Variants in LRRK1 observed in about 807,000 individuals in gnomAD.
The protein encoded by LRRK1 is leucine rich repeat kinase 1, also known as leucine-rich repeat serine/threonine-protein kinase 1.
Under a neutral mutation model 209.1 loss-of-function variants are expected in LRRK1, and 113 were observed. The observed-to-expected ratio is 0.54, with a 90% CI of 0.46 to 0.63. LRRK1 has a LOEUF of 0.63. LRRK1 is among the 30% of genes least tolerant of loss of function. LRRK1 has a pLI of 0.00. For synonymous variants in LRRK1, 1,144 were observed against 1,099.7 expected (o/e 1.04, Z -0.80); for missense variants, 2,284 against 2,632.2 (o/e 0.87, Z 2.89).
chr15:100,964,488 C>T (rs1260028411), intron 2 of LRRK1, among the ~76,000 whole-genome samples: 1 of 152,216 alleles, frequency 6.6e-6, no homozygotes, highest in Non-Finnish European at 1.5e-5. Flanking sequence ...TTCCCTGGTG[C>T]TTTGGCCACA....
intron 6 of LRRK1, 54 bp downstream of exon 6, chr15:100,989,452 CAG>C: frequency 6.5e-7 from 1 of 1,547,270 alleles, no homozygotes; most frequent in Non-Finnish European, 8.9e-7. Context: ...GCTGCTGTAA[CAG>C]AATCCTGCAG....
At chr15:100,923,225 G>T (rs918637204) in intron 1 of LRRK1, among the ~76,000 whole-genome samples, 1 of 152,136 alleles carries the variant, frequency 6.6e-6, no homozygotes, top group African/African-American at 2.4e-5. Context: ...GCAGGCCCGG[G>T]CATAAGGGTG....
At chr15:100,928,355 C>T (rs1251542999) in intron 2 of LRRK1, among the ~76,000 whole-genome samples, 2 of 152,178 alleles carry the variant, frequency 1.3e-5, no homozygotes, top group Admixed American at 6.5e-5. Flanking sequence ...GTCCCCAGAG[C>T]CTAAGCTGGA....
At chr15:100,941,530 C>T (rs1022444141) in intron 2 of LRRK1, among the ~76,000 whole-genome samples, 4 of 145,434 alleles carry the variant, frequency 2.8e-5, no homozygotes, top group Admixed American at 6.9e-5. Flanking sequence ...TCCTGCTGAT[C>T]GGTGGCCTGC....
At chr15:100,943,497 T>C (rs1244211044) in intron 2 of LRRK1, among the ~76,000 whole-genome samples, 1 of 152,208 alleles carries the variant, frequency 6.6e-6, no homozygotes, top group Non-Finnish European at 1.5e-5. Flanking sequence ...TTGTTGTTAT[T>C]GCCATATGAT....
rs573984643 is a variant in LRRK1 at position 100,999,420 on chromosome 15, C to G, written c.763-9417C>G. Among the ~76,000 whole-genome samples the G allele has an allele frequency of 4.6e-5, 7 of 152,324 alleles. No homozygotes were observed. The South Asian group carries it at 1.2e-3, about 27-fold the overall frequency. ...CTGATAGGGTGTGCTGTGCTCCTCC[C>G]TAAATTACTGTCACGCCCTTGTCTT... On this transcript the variant is annotated intron_variant, in intron 6 of 33. Coordinates refer to ENST00000388948, the MANE Select transcript of LRRK1 (RefSeq NM_024652.6).
intron 6 of LRRK1, among the ~76,000 whole-genome samples, chr15:100,994,944 T>A (rs1190610902): frequency 6.6e-6 from 1 of 152,106 alleles, no homozygotes. Flanking sequence ...GGGATTAAAG[T>A]GACAGTTTGG....
chr15:101,030,675 C>A (rs1399120914), intron 20 of LRRK1, among the ~76,000 whole-genome samples: 2 of 152,174 alleles, frequency 1.3e-5, no homozygotes, highest in African/African-American at 2.4e-5. Context: ...AATGACATGG[C>A]CCTGCCATCT....
rs1487045625 is a variant in LRRK1 at position 101,077,430 on chromosome 15, C to T, written c.*8582C>T. The T allele has an allele frequency of 6.6e-6, 1 of 152,242 alleles. No homozygotes were observed. 9.4% of individuals were successfully genotyped at this position (152,242 alleles called of 1,614,324 possible). A position where few individuals can be genotyped will look rare whatever the true frequency, so the allele number is the denominator to read the frequency against. On this transcript the variant is annotated 3_prime_UTR_variant, in exon 34 of 34. Transcript: ENST00000388948. ...TATCCCCAAACCGCCACTCTGAACT[C>T]TTAAATACATAATCTTTGCTGGCAG...
chr15:100,957,836 T>G (rs567248001), intron 2 of LRRK1, among the ~76,000 whole-genome samples: 4 of 152,354 alleles, frequency 2.6e-5, no homozygotes, highest in Non-Finnish European at 5.9e-5. Flanking sequence ...TTGCCAATTT[T>G]TTAATTATTT....
intron 2 of LRRK1, among the ~76,000 whole-genome samples, chr15:100,962,823 A>ATATATATATTT: frequency 8.7e-5 from 1 of 11,542 alleles, no homozygotes; most frequent in African/African-American, 2.5e-4. Flanking sequence ...ATATATATAT[A>ATATATATATTT]TTTTTTTTTT....
In LRRK1 at chr15:101,070,588, A is replaced by G. The variant is rs2036765391; in HGVS notation, c.*1740A>G. The G allele has an allele frequency of 6.6e-6, 1 of 150,638 alleles. No individual in the cohort carries two copies. The highest frequency in any genetic ancestry group is 2.1e-4 in the South Asian group (1 of 4,756). The allele number at this position is 150,638 out of a possible 1,614,324, so 9.3% of individuals were successfully genotyped here. ...CAGGCACCAAAATTCACCCTCTCCTACTCCTGGAAAAGCCCAGCCCCAGGC... is the reference window on the plus strand; with the variant it reads ...CAGGCACCAAAATTCACCCTCTCCTGCTCCTGGAAAAGCCCAGCCCCAGGC... On this transcript the variant is annotated 3_prime_UTR_variant, in exon 34 of 34. Coordinates refer to ENST00000388948, the MANE Select transcript of LRRK1 (RefSeq NM_024652.6).
chr15:100,988,854 A>G (rs1449356949), intron 5 of LRRK1, 41 bp downstream of exon 5: 1 of 1,504,446 alleles, frequency 6.6e-7, no homozygotes, highest in Non-Finnish European at 9.0e-7. Context: ...TGACCGTGCA[A>G]ACCATCTCAG....
intron 2 of LRRK1, among the ~76,000 whole-genome samples, chr15:100,970,849 A>AT (rs1179544239): frequency 6.6e-6 from 1 of 152,006 alleles, no homozygotes; most frequent in Non-Finnish European, 1.5e-5. Flanking sequence ...GTCTTGTTCA[A>AT]TTTCTCTCAG....
intron 2 of LRRK1, among the ~76,000 whole-genome samples, chr15:100,940,843 G>C (rs2042387413): frequency 6.6e-6 from 1 of 152,216 alleles, no homozygotes; most frequent in Non-Finnish European, 1.5e-5. Context: ...AAAGCCCAAA[G>C]CTGTCTTATC....
At chr15:101,040,506 TC>T (rs2034700017) in intron 20 of LRRK1, among the ~76,000 whole-genome samples, 1 of 152,190 alleles carries the variant, frequency 6.6e-6, no homozygotes, top group Non-Finnish European at 1.5e-5. Context: ...ATTATTTTTC[TC>T]TTTTATTTCA....
At chr15:100,929,356 C>T (rs943564404) in intron 2 of LRRK1, among the ~76,000 whole-genome samples, 1 of 152,184 alleles carries the variant, frequency 6.6e-6, no homozygotes, top group Admixed American at 6.5e-5. Flanking sequence ...CACTGCCCAC[C>T]ACCGGACCCA....
intron 2 of LRRK1, among the ~76,000 whole-genome samples, chr15:100,951,665 A>G (rs1283143018): frequency 6.6e-6 from 1 of 152,148 alleles, no homozygotes; most frequent in Non-Finnish European, 1.5e-5. Flanking sequence ...ATAATTAAAT[A>G]ATAAGGCCGG....
chr15:100,965,710 T>C (rs576556353), intron 2 of LRRK1, among the ~76,000 whole-genome samples: 1 of 151,988 alleles, frequency 6.6e-6, no homozygotes, highest in Non-Finnish European at 1.5e-5. Context: ...AAAAAAAAAA[T>C]CTCCCTGGTG....
Sources: allele counts gnomAD v4.1 joint callset (sites outside exome capture counted in the v4.1 genomes callset), GRCh38; gene constraint gnomAD v4.1.1; transcripts MANE v1.5; gene names NCBI Gene and HGNC (gene_info 2026-07-23, HGNC 2026-07-21).